LRFN2: variants seen among roughly 807,000 people sequenced by gnomAD.
LRFN2 encodes leucine rich repeat and fibronectin type III domain containing 2.
Under a neutral mutation model 37.3 loss-of-function variants are expected in LRFN2, and 18 were observed. That is an observed-to-expected ratio of 0.48 (90% CI 0.33 to 0.72). The LOEUF is 0.72. LRFN2 is among the 30% of genes least tolerant of loss of function. The pLI is 0.02. For synonymous variants in LRFN2, 556 were observed against 466.6 expected, an observed-to-expected ratio of 1.19 and a Z score of -2.47; for missense variants, 1,006 against 1,060.7, an observed-to-expected ratio of 0.95 and a Z score of 0.72.
chr6:40,497,223 C>T (rs1302809026), intron 1 of LRFN2, among the ~76,000 whole-genome samples: 1 of 152,158 alleles, frequency 6.6e-6, no homozygotes, highest in Non-Finnish European at 1.5e-5. Context: ...CTTCAGAGCC[C>T]CTCTGCAGTT....
At chr6:40,417,168 A>T (rs1163882589) in intron 2 of LRFN2, among the ~76,000 whole-genome samples, 1 of 152,192 alleles carries the variant, frequency 6.6e-6, no homozygotes, top group East Asian at 1.9e-4. Context: ...AGCTTGAGGG[A>T]GGAGAGCAAA....
At chr6:40,402,124 G>A (rs1762752931) in intron 2 of LRFN2, among the ~76,000 whole-genome samples, 1 of 152,246 alleles carries the variant, frequency 6.6e-6, no homozygotes, top group African/African-American at 2.4e-5. Flanking sequence ...CTGCAAGGGA[G>A]TAGAGGAGAT....
intron 1 of LRFN2, among the ~76,000 whole-genome samples, chr6:40,558,928 G>C (rs1766940709): frequency 1.3e-5 from 2 of 152,212 alleles, no homozygotes; most frequent in South Asian, 4.1e-4. Flanking sequence ...GCATGCTTGA[G>C]AGTAGCACGC....
intron 1 of LRFN2, among the ~76,000 whole-genome samples, chr6:40,477,840 C>A (rs79925604): frequency 3.3e-5 from 5 of 152,038 alleles, no homozygotes; most frequent in African/African-American, 1.2e-4. Flanking sequence ...GTCATCCGTG[C>A]CCCTCTTTAG....
intron 1 of LRFN2, among the ~76,000 whole-genome samples, chr6:40,480,631 C>A (rs1014825279): frequency 1.3e-5 from 2 of 152,104 alleles, no homozygotes; most frequent in Non-Finnish European, 2.9e-5. Context: ...TGGAGCTGGG[C>A]AGTCTTAGAT....
intron 1 of LRFN2, among the ~76,000 whole-genome samples, chr6:40,471,206 T>C (rs73732663): frequency 0.014 from 2,057 of 152,222 alleles, 59 homozygotes; most frequent in African/African-American, 0.046. Context: ...GGGCTCTTCT[T>C]ACCGGCTCCA....
chr6:40,528,476 C>T (rs569731147), intron 1 of LRFN2, among the ~76,000 whole-genome samples: 135 of 152,312 alleles, frequency 8.9e-4, no homozygotes, highest in African/African-American at 3.0e-3. Flanking sequence ...TGCCCTGCCA[C>T]GGCTGTCCTT....
chr6:40,544,540 G>C (rs7768770), intron 1 of LRFN2, among the ~76,000 whole-genome samples: 68,399 of 151,630 alleles, frequency 0.45, 16,401 homozygotes, highest in African/African-American at 0.62. Context: ...GCTCTGTGAG[G>C]CTATACCTCC....
intron 1 of LRFN2, among the ~76,000 whole-genome samples, chr6:40,515,607 G>T (rs1173295575): frequency 6.6e-6 from 1 of 152,134 alleles, no homozygotes; most frequent in Non-Finnish European, 1.5e-5. Context: ...TAAGAATTCC[G>T]GCTGGGCGCG....
At chr6:40,418,788 C>T (rs1402976484) in intron 2 of LRFN2, among the ~76,000 whole-genome samples, 1 of 152,136 alleles carries the variant, frequency 6.6e-6, no homozygotes, top group East Asian at 1.9e-4. Flanking sequence ...AACATGAGTC[C>T]AAATAAGAAA....
At chr6:40,506,885 G>A (rs565192501) in intron 1 of LRFN2, among the ~76,000 whole-genome samples, 2 of 152,054 alleles carry the variant, frequency 1.3e-5, no homozygotes, top group African/African-American at 4.8e-5. Context: ...TTCCTCAGAT[G>A]CCAAATGGGA....
chr6:40,435,843 A>G (rs1763659658), intron 1 of LRFN2, among the ~76,000 whole-genome samples: 1 of 152,126 alleles, frequency 6.6e-6, no homozygotes, highest in Non-Finnish European at 1.5e-5. Context: ...ATATTGAAAA[A>G]TCTATTCCTA....
intron 1 of LRFN2, among the ~76,000 whole-genome samples, chr6:40,505,491 A>C (rs1425888628): frequency 6.6e-6 from 1 of 152,162 alleles, no homozygotes; most frequent in African/African-American, 2.4e-5. Flanking sequence ...CACAACTCTA[A>C]AGTCAATTAC....
In LRFN2 at chr6:40,432,123, C is replaced by G. The variant is rs1263715445; in HGVS notation, c.991G>C (p.Gly331Arg). 1 of 1,613,756 alleles carries G rather than the reference C, an allele frequency of 6.2e-7. No individual in the cohort carries two copies. Residue 331 changes from glycine to arginine, a missense_variant, in exon 2 of 3, where the codon GGG (glycine) becomes CGG (arginine). Physicochemically the swap from Gly to Arg is moderately radical, Grantham distance 125. This residue lies in a region of LRFN2 where 303 missense variants were observed against 299.8 expected (regional missense o/e 1.01). Coordinates refer to ENST00000338305, the MANE Select transcript of LRFN2 (RefSeq NM_020737.3). ...TAGACAGCGGTCCTTGAGGAGTTCC[C>G]TACCAGGCGGTCATCGGGGGCTACC... ...HWVAPDDRLVGNSSRTAVYDN... is the reference protein window; with the variant it reads ...HWVAPDDRLVRNSSRTAVYDN...
intron 1 of LRFN2, among the ~76,000 whole-genome samples, chr6:40,577,793 AAAT>A (rs1767322900): frequency 4.6e-5 from 5 of 107,906 alleles, no homozygotes; most frequent in African/African-American, 1.8e-4. Flanking sequence ...AGGAAAAAAT[AAAT>A]AAATAAATAA....
chr6:40,544,307 T>C (rs566753433), intron 1 of LRFN2, among the ~76,000 whole-genome samples: 41 of 152,254 alleles, frequency 2.7e-4, no homozygotes, highest in African/African-American at 8.9e-4. Context: ...TGACGCTAAG[T>C]TATTGAGGCC....
At chr6:40,434,420 A>G (rs1381486777) in intron 1 of LRFN2, among the ~76,000 whole-genome samples, 3 of 152,096 alleles carry the variant, frequency 2.0e-5, no homozygotes, top group Non-Finnish European at 4.4e-5. Context: ...TTGGAAAATC[A>G]TGCAGCACAC....
chr6:40,417,127 C>A (rs1384378443), intron 2 of LRFN2, among the ~76,000 whole-genome samples: 1 of 152,208 alleles, frequency 6.6e-6, no homozygotes, highest in East Asian at 1.9e-4. Flanking sequence ...CCTCCCTGTT[C>A]CACTCAGACC....
intron 2 of LRFN2, among the ~76,000 whole-genome samples, chr6:40,403,522 T>C (rs1762785474): frequency 6.6e-6 from 1 of 152,206 alleles, no homozygotes; most frequent in Non-Finnish European, 1.5e-5. Flanking sequence ...ACCCCTGCCT[T>C]ACTGGCAGTT....
Sources: gnomAD v4.1 joint callset for allele counts (sites outside exome capture counted in the v4.1 genomes callset) on GRCh38, gnomAD v4.1.1 for gene constraint, gnomAD v4.1.1 regional missense constraint, MANE v1.5 for transcripts, NCBI Gene and HGNC (gene_info 2026-07-23, HGNC 2026-07-21) for gene names.